The following COX14 variants were observed in gnomAD, a reference collection of about 807,000 sequenced individuals.
COX14 encodes cytochrome c oxidase assembly protein COX14.
Under a neutral mutation model 5.8 loss-of-function variants are expected in COX14, and 3 were observed. The ratio of observed to expected loss-of-function variants is 0.51; its 90% confidence interval spans 0.23 to 1.33. The LOEUF (loss-of-function observed/expected upper bound fraction) is 1.33, where lower values mean the gene tolerates loss of function less well. Among genes scored for constraint, COX14 ranks in the 40% most tolerant of loss-of-function variants. COX14 has a pLI of 0.18. For missense variants in COX14, 72 were observed against 72.1 expected, an observed-to-expected ratio of 1.00 and a Z score of 0.01; for synonymous variants, 25 against 26.1, an observed-to-expected ratio of 0.96 and a Z score of 0.13.
At chr12:50,113,038 TG>T (rs1951044130) in intron 1 of COX14, 1 of 151,696 alleles carries the variant, frequency 6.6e-6, no homozygotes, top group Admixed American at 6.6e-5. Flanking sequence ...TTTTTGTTGT[TG>T]TTGTTGTTGT....
intron 1 of COX14, among the ~76,000 whole-genome samples, chr12:50,113,303 ATT>A (rs36016055): frequency 9.5e-4 from 132 of 138,828 alleles, no homozygotes; most frequent in East Asian, 5.5e-3. Flanking sequence ...CGTTTACGCA[ATT>A]TTTTTTTTTT....
In COX14 at chr12:50,120,047, C is replaced by T. The variant is rs1951116188; in HGVS notation, c.4C>T (p.Pro2Ser). The change falls in exon 2 of 2, where the codon CCA becomes TCA. Residue 2 changes from proline (P) to serine (S), a missense_variant. Pro to Ser is a moderately conservative substitution (Grantham distance 74). Coordinates refer to ENST00000550487, the MANE Select transcript of COX14 (RefSeq NM_032901.4). M[P>S]TGKQLADIGY... Reference sequence around the variant, plus strand: ...ATCTGTCTTTGTAGGGGACAAGATGCCAACTGGCAAGCAGCTAGCTGACAT... The same window carrying T: ...ATCTGTCTTTGTAGGGGACAAGATGTCAACTGGCAAGCAGCTAGCTGACAT... 2 of 1,613,872 alleles carry T rather than the reference C, an allele frequency of 1.2e-6. No homozygotes were observed. The highest frequency in any genetic ancestry group is 1.7e-6 in the Non-Finnish European group (2 of 1,179,782).
chr12:50,119,921 A>G (rs369278744), intron 1 of COX14, 115 bp from the exon 2 acceptor site: 19 of 790,186 alleles, frequency 2.4e-5, no homozygotes, highest in East Asian at 1.5e-4. Context: ...GCCATTCAGT[A>G]TAGAGTGCAG....
chr12:50,112,623 C>G (rs571433214), intron 1 of COX14: 1 of 266,698 alleles, frequency 3.7e-6, no homozygotes, highest in African/African-American at 2.3e-5. Context: ...ATAAGTGGCT[C>G]TCCGGGGCAC....
chr12:50,115,505 G>A (rs567434265), intron 1 of COX14, among the ~76,000 whole-genome samples: 5 of 151,740 alleles, frequency 3.3e-5, no homozygotes, highest in East Asian at 3.9e-4. Flanking sequence ...TTGAGCCACC[G>A]CGCCCGGCCG....
At chr12:50,112,485 C>T (rs1951034228) in intron 1 of COX14, 184 bp downstream of exon 1, 1 of 985,836 alleles carries the variant, frequency 1.0e-6, no homozygotes, top group Non-Finnish European at 1.2e-6. Flanking sequence ...GCCCAAGCTC[C>T]TCGCAGCAGT....
At position 50,120,023 on chromosome 12, in the gene COX14, T is replaced by C. The variant is rs769864374; in HGVS notation, c.-8-13T>C. The C allele has an allele frequency of 6.2e-7, 1 of 1,611,742 alleles. No individual in the cohort carries two copies. Among genetic ancestry groups the C allele is most frequent in the Admixed American group, 1.7e-5 (1 of 60,006 alleles). ...GCCTTATCCTCAGGTCTAAATTCAA[T>C]CTGTCTTTGTAGGGGACAAGATGCC... On this transcript the variant is annotated splice_polypyrimidine_tract_variant and intron_variant, in intron 1 of 1. Coordinates refer to ENST00000550487, the MANE Select transcript of COX14 (RefSeq NM_032901.4).
chr12:50,118,506 C>T (rs905412990), intron 1 of COX14: 16 of 854,102 alleles, frequency 1.9e-5, no homozygotes, highest in Non-Finnish European at 2.3e-5. Context: ...CGGTGGCTCA[C>T]GCCGTAATCC....
intron 1 of COX14, among the ~76,000 whole-genome samples, chr12:50,119,748 C>T (rs535507298): frequency 6.6e-6 from 1 of 152,310 alleles, no homozygotes; most frequent in Admixed American, 6.5e-5. Context: ...CACTTCTGTC[C>T]ACAGGCATGG....
chr12:50,113,971 C>G (rs372145604), intron 1 of COX14, among the ~76,000 whole-genome samples: 36 of 151,250 alleles, frequency 2.4e-4, no homozygotes, highest in East Asian at 2.1e-3. Flanking sequence ...TTTTTAGAGA[C>G]ACAGTCTTGC....
chr12:50,114,233 A>C (rs1951057903), intron 1 of COX14, among the ~76,000 whole-genome samples: 2 of 151,142 alleles, frequency 1.3e-5, no homozygotes, highest in South Asian at 2.1e-4. Flanking sequence ...AAAAAAAAAA[A>C]AAAAACAGGT....
At chr12:50,113,657 G>C (rs1402221071) in intron 1 of COX14, among the ~76,000 whole-genome samples, 1 of 151,184 alleles carries the variant, frequency 6.6e-6, no homozygotes, top group Admixed American at 6.6e-5. Flanking sequence ...TTTTGAGACG[G>C]AGTCTCGCCC....
At chr12:50,115,625 C>T (rs1389508674) in intron 1 of COX14, among the ~76,000 whole-genome samples, 11 of 151,070 alleles carry the variant, frequency 7.3e-5, no homozygotes, top group Non-Finnish European at 1.3e-4. Context: ...TGATCTCGGC[C>T]CACTGCACCT....
In COX14 at chr12:50,120,440, T is replaced by C. The variant is rs928867558; in HGVS notation, c.*223T>C. On this transcript the variant is annotated 3_prime_UTR_variant, in exon 2 of 2. Transcript: ENST00000550487. ...GTGAGGTACACCTACAGACATTAAA[T>C]AATTTGCTGTGTCTGTGTCTTGGTG... 2.0e-6 allele frequency: 1 copy of C among 497,120 alleles called. No individual in the cohort carries two copies. The allele number at this position is 497,120 out of a possible 1,614,324, so 30.8% of individuals were successfully genotyped here.
intron 1 of COX14, among the ~76,000 whole-genome samples, chr12:50,115,389 G>A (rs1362858484): frequency 2.0e-5 from 3 of 150,702 alleles, no homozygotes; most frequent in African/African-American, 4.9e-5. Flanking sequence ...TAATTTTTTT[G>A]TATTTTTACT....
intron 1 of COX14, among the ~76,000 whole-genome samples, chr12:50,119,040 G>C (rs1951107438): frequency 6.6e-6 from 1 of 152,202 alleles, no homozygotes; most frequent in African/African-American, 2.4e-5. Flanking sequence ...GCAAATATGA[G>C]TTAACAATTT....
chr12:50,120,270 G>C lies in COX14; in HGVS notation c.*53G>C. The C allele has an allele frequency of 6.9e-7, 1 of 1,453,522 alleles. No homozygotes were observed. 90.0% of individuals were successfully genotyped at this position (1,453,522 alleles called of 1,614,324 possible). ...AGAGGCCCAAGGCATGCTGTGGAGA[G>C]ACTTCACCTGCCACCATTTCCAGGT... On this transcript the variant is annotated 3_prime_UTR_variant, in exon 2 of 2. Transcript: ENST00000550487.
At chr12:50,116,990 G>A (rs1164289287) in intron 1 of COX14, among the ~76,000 whole-genome samples, 2 of 151,990 alleles carry the variant, frequency 1.3e-5, no homozygotes, top group Admixed American at 6.6e-5. Flanking sequence ...CTAAACCAGC[G>A]AATCCTGAGC....
rs36117795 is a variant in COX14, at chr12:50,114,219, G to GAAA, written c.-9+1935_-9+1937dup. ...ACCAGGAAGGGGGATGTAGTTAAAT[G>GAAA]AAAAAAAAAAAAAAAAAAACAGGTG... On this transcript the variant is annotated intron_variant, in intron 1 of 1. Transcript: ENST00000550487. Among the ~76,000 whole-genome samples the GAAA allele has an allele frequency of 2.7e-3, 221 of 82,866 alleles. 2 individuals carry two copies. Among genetic ancestry groups the GAAA allele is most frequent in the African/African-American group, 8.4e-3 (196 of 23,396 alleles). 54.4% of individuals were successfully genotyped at this position (82,866 alleles called of 152,430 possible). A position where few individuals can be genotyped will look rare whatever the true frequency, so the allele number is the denominator to read the frequency against.
Sources: allele counts gnomAD v4.1 joint callset (sites outside exome capture counted in the v4.1 genomes callset), GRCh38; gene constraint gnomAD v4.1.1; transcripts MANE v1.5; gene names NCBI Gene and HGNC (gene_info 2026-07-23, HGNC 2026-07-21).